The following BOP1 variants were observed in gnomAD, a reference collection of about 807,000 sequenced individuals.
BOP1 encodes the protein ribosome biogenesis protein BOP1.
BOP1 carries 54 observed loss-of-function variants against 82.9 expected under a neutral mutation model. The observed-to-expected ratio is 0.65, with a 90% CI of 0.52 to 0.82. The LOEUF (loss-of-function observed/expected upper bound fraction) is 0.82, where lower values mean the gene tolerates loss of function less well. Among genes scored for constraint, BOP1 ranks in the 40% least tolerant of loss-of-function variants. The pLI is 0.00. For synonymous variants in BOP1, 566 were observed against 451.1 expected, an observed-to-expected ratio of 1.25 and a Z score of -3.23; for missense variants, 1,170 against 1,072.0, an observed-to-expected ratio of 1.09 and a Z score of -1.28.
intron 2 of BOP1, among the ~76,000 whole-genome samples, chr8:144,278,381 G>C (rs186457441): frequency 8.9e-4 from 135 of 152,312 alleles, no homozygotes; most frequent in Middle Eastern, 3.4e-3. Flanking sequence ...GGCTCAGCCA[G>C]ACAGAAACGG....
intron 3 of BOP1, among the ~76,000 whole-genome samples, chr8:144,273,287 G>T (rs1314033554): frequency 3.9e-5 from 6 of 152,340 alleles, no homozygotes; most frequent in Non-Finnish European, 8.8e-5. Flanking sequence ...GGCTCTGGAC[G>T]CAGACAGGCC....
chr8:144,276,116 G>A (rs1056899215), intron 3 of BOP1, 108 bp downstream of exon 3: 99 of 1,306,424 alleles, frequency 7.6e-5, no homozygotes, highest in Admixed American at 1.0e-4. Context: ...GCCCACCTGC[G>A]GCAGGTCCCA....
Position 144,262,616 on chromosome 8 carries a change from G to T in BOP1, c.1951C>A (p.Leu651Ile). Residue 651 changes from leucine to isoleucine, a missense_variant, in exon 14 of 16, where the codon CTT becomes ATT. Transcript: ENST00000569669. ...AGCATCCTGTATGGCTTGGTGGAAA[G>T]ATCCAGGTCAAACCACACCAGCTTG... Reference protein sequence around the residue: ...DSKLVWFDLDLSTKPYRMLRH... With the variant: ...DSKLVWFDLDISTKPYRMLRH... The T allele has an allele frequency of 1.2e-6, 2 of 1,613,442 alleles. No homozygotes were observed. The highest frequency in any genetic ancestry group is 1.7e-6 in the Non-Finnish European group (2 of 1,179,810).
chr8:144,288,315 G>A (rs1172462050), intron 2 of BOP1, among the ~76,000 whole-genome samples: 1 of 147,810 alleles, frequency 6.8e-6, no homozygotes, highest in South Asian at 2.1e-4. Context: ...CTCACCTGAG[G>A]TCAGGAAATC....
At chr8:144,265,117 AC>A in intron 3 of BOP1, 46 bp from the exon 4 acceptor site, 1 of 1,577,896 alleles carries the variant, frequency 6.3e-7, no homozygotes, top group Non-Finnish European at 8.6e-7. Flanking sequence ...TACAAGGCCC[AC>A]CCCCGCTTCG....
Position 144,263,621 on chromosome 8 carries a change from C to CAGAG in BOP1, c.1292-15_1292-12dup. 1.2e-6 allele frequency: 2 copies of CAGAG among 1,608,698 alleles called. No individual in the cohort carries two copies. Among genetic ancestry groups the CAGAG allele is most frequent in the Non-Finnish European group, 8.5e-7 (1 of 1,179,420 alleles). On this transcript the variant is annotated splice_polypyrimidine_tract_variant and intron_variant, in intron 10 of 15. Transcript: ENST00000569669. ...AGCCGTCGTCAGAGCCTGGATGCGG[C>CAGAG]AGAGACAGCTCTCAACACCTGGCCA... is the stretch of plus-strand genomic sequence containing the variant.
intron 2 of BOP1, among the ~76,000 whole-genome samples, chr8:144,287,103 A>G (rs782341502): frequency 9.9e-5 from 15 of 151,904 alleles, no homozygotes; most frequent in Admixed American, 2.0e-4. Context: ...TCCGCCTCCC[A>G]GGTTCAAGTG....
chr8:144,271,044 T>C (rs1335581328), intron 3 of BOP1, among the ~76,000 whole-genome samples: 4 of 150,946 alleles, frequency 2.6e-5, no homozygotes, highest in Non-Finnish European at 4.4e-5. Context: ...AGGAAACACA[T>C]GTGACCCCTC....
chr8:144,278,189 G>C (rs587743259), intron 2 of BOP1, among the ~76,000 whole-genome samples: 18 of 152,356 alleles, frequency 1.2e-4, no homozygotes, highest in African/African-American at 4.3e-4. Context: ...AGGCAGGCGG[G>C]TCTGAAGGAC....
Position 144,276,209 on chromosome 8 carries a change from C to G in BOP1, c.390+15G>C. 1.2e-6 allele frequency: 2 copies of G among 1,612,564 alleles called. No homozygotes were observed. Among genetic ancestry groups the G allele is most frequent in the Non-Finnish European group, 1.7e-6 (2 of 1,179,654 alleles). Reference sequence around the variant, plus strand: ...CCGCCCCACCCTGCCCAGTGGGAAGCAGCCCCAGTCCTACCTCCTCATCAG... The same window carrying G: ...CCGCCCCACCCTGCCCAGTGGGAAGGAGCCCCAGTCCTACCTCCTCATCAG... On this transcript the variant is annotated intron_variant, in intron 3 of 15. Coordinates refer to ENST00000569669, the MANE Select transcript of BOP1 (RefSeq NM_015201.5).
chr8:144,289,825 G>A (rs549595808), intron 1 of BOP1, among the ~76,000 whole-genome samples: 10 of 152,330 alleles, frequency 6.6e-5, no homozygotes, highest in East Asian at 3.9e-4. Context: ...TGAAGCAGAC[G>A]CCTCCTCATT....
chr8:144,264,556 C>G lies in BOP1; in HGVS notation c.724G>C (p.Asp242His). The G allele has an allele frequency of 6.2e-7, 1 of 1,609,846 alleles. No homozygotes were observed. Among genetic ancestry groups the G allele is most frequent in the South Asian group, 1.1e-5 (1 of 90,576 alleles). ...MIHPVTNRPA[D>H]KRSFIPSLVE... Reference sequence around the variant, plus strand: ...AGGGAGGGGATGAAGCTGCGCTTGTCGGCCGGGCGGTTGGTCACCGGGTGG... The same window carrying G: ...AGGGAGGGGATGAAGCTGCGCTTGTGGGCCGGGCGGTTGGTCACCGGGTGG... Residue 242 changes from aspartate to histidine, a missense_variant, in exon 6 of 16, where the codon GAC becomes CAC. Physicochemically the swap from Asp to His is moderately conservative, Grantham distance 81. Transcript: ENST00000569669.
intron 2 of BOP1, among the ~76,000 whole-genome samples, chr8:144,284,746 T>A (rs1248406574): frequency 6.6e-6 from 1 of 152,202 alleles, no homozygotes; most frequent in Non-Finnish European, 1.5e-5. Context: ...CACGTGCAGC[T>A]GCTCACTGAA....
chr8:144,280,837 C>T (rs2130250597), intron 2 of BOP1, among the ~76,000 whole-genome samples: 1 of 151,972 alleles, frequency 6.6e-6, no homozygotes, highest in African/African-American at 2.4e-5. Context: ...GGGTGACAGA[C>T]AGACTCTTGT....
At position 144,262,322 on chromosome 8, in the gene BOP1, G is replaced by T; in HGVS notation, c.2088-5C>A. 6.2e-7 allele frequency: 1 copy of T among 1,612,824 alleles called. No homozygotes were observed. Among genetic ancestry groups the T allele is most frequent in the Admixed American group, 1.7e-5 (1 of 59,992 alleles). On this transcript the variant is annotated splice_region_variant and splice_polypyrimidine_tract_variant and intron_variant, in intron 15 of 15. Transcript: ENST00000569669. ...AAGGGGTTCTGCAGAAGGTCACTGT[G>T]GGGACGAGGAGGGCTCAGGGCACGG...
rs1815061700 is a variant in BOP1, at chr8:144,291,221, C to T, written c.99+51G>A. ...CACCCGCCCCAGCGCGGCCACGTGC[C>T]CGCCGGGCCCTCTAGGGACGCGCCC... On this transcript the variant is annotated intron_variant, in intron 1 of 15. Transcript: ENST00000569669. This position sits in a 1 kb window ranked among gnomAD's most constrained non-coding sequence, Gnocchi z 4.1. The T allele has an allele frequency of 7.3e-7, 1 of 1,364,482 alleles. No homozygotes were observed. Among genetic ancestry groups the T allele is most frequent in the South Asian group, 1.6e-5 (1 of 63,734 alleles). The allele number at this position is 1,364,482 out of a possible 1,614,324, so 84.5% of individuals were successfully genotyped here.
intron 3 of BOP1, chr8:144,265,964 T>G (rs1845352076): frequency 6.6e-6 from 1 of 152,570 alleles, no homozygotes; most frequent in Non-Finnish European, 1.5e-5. Flanking sequence ...GCACAGTCTG[T>G]GCCAAGCCTG....
intron 1 of BOP1, 37 bp from the exon 2 acceptor site, chr8:144,289,341 C>T: frequency 6.3e-7 from 1 of 1,598,372 alleles, no homozygotes; most frequent in South Asian, 1.1e-5. Context: ...AACTGCCCCT[C>T]CAGGCATGGG....
intron 2 of BOP1, among the ~76,000 whole-genome samples, chr8:144,277,396 C>T (rs1427336937): frequency 1.4e-4 from 22 of 152,358 alleles, no homozygotes; most frequent in South Asian, 4.1e-4. Context: ...TCCGTGACCC[C>T]GGCCCCAAGC....
Sources: gnomAD v4.1 joint callset for allele counts (sites outside exome capture counted in the v4.1 genomes callset) on GRCh38, gnomAD v4.1.1 for gene constraint, Gnocchi (gnomAD v3.1) non-coding constraint, MANE v1.5 for transcripts, NCBI Gene and HGNC (gene_info 2026-07-23, HGNC 2026-07-21) for gene names.